EHBP1: variants seen among roughly 807,000 people sequenced by gnomAD.
EHBP1 encodes EH domain binding protein 1.
EHBP1 carries 55 observed loss-of-function variants against 144.0 expected under a neutral mutation model. The observed-to-expected ratio is 0.38, with a 90% CI of 0.31 to 0.48. EHBP1 has a LOEUF of 0.48. Among genes scored for constraint, EHBP1 ranks in the 20% least tolerant of loss-of-function variants. The probability of loss-of-function intolerance (pLI) is 0.98; values close to 1 mark genes in which losing one functional copy is unlikely to be tolerated. For synonymous variants in EHBP1, 469 were observed against 472.7 expected, an observed-to-expected ratio of 0.99 and a Z score of 0.10; for missense variants, 1,200 against 1,364.2, an observed-to-expected ratio of 0.88 and a Z score of 1.90.
chr2:62,688,681 G>A (rs1173540645), intron 1 of EHBP1, among the ~76,000 whole-genome samples: 1 of 151,782 alleles, frequency 6.6e-6, no homozygotes, highest in African/African-American at 2.4e-5. Flanking sequence ...ACTTCTATGA[G>A]ATCAACTTTT....
Position 62,979,339 on chromosome 2 carries a change from A to C in EHBP1, c.2608+4A>C. On this transcript the variant is annotated splice_donor_region_variant and intron_variant, in intron 15 of 22. Transcript: ENST00000431489. ...GAAAGGTCAAAGGCATCTGGAGGTG[A>C]GTTAAAGAATCTTCTATCATTCTAC... is the stretch of plus-strand genomic sequence containing the variant. The C allele has an allele frequency of 6.2e-7, 1 of 1,612,896 alleles. No homozygotes were observed. The highest frequency in any genetic ancestry group is 8.5e-7 in the Non-Finnish European group (1 of 1,179,292).
intron 7 of EHBP1, among the ~76,000 whole-genome samples, chr2:62,842,244 A>T (rs920490430): frequency 6.6e-6 from 1 of 151,924 alleles, no homozygotes; most frequent in Admixed American, 6.6e-5. Context: ...GTGCCACCAC[A>T]CTCAGCTAAT....
chr2:62,908,065 C>T (rs2053937775), intron 10 of EHBP1, among the ~76,000 whole-genome samples: 1 of 152,048 alleles, frequency 6.6e-6, no homozygotes, highest in Non-Finnish European at 1.5e-5. Context: ...AGAATTTAAC[C>T]AATGAAGCCA....
intron 10 of EHBP1, among the ~76,000 whole-genome samples, chr2:62,891,094 C>T (rs1158519025): frequency 2.6e-5 from 4 of 151,314 alleles, no homozygotes; most frequent in Non-Finnish European, 4.4e-5. Flanking sequence ...AGGAGAATCA[C>T]TTGACCCGGG....
At chr2:62,960,866 A>C (rs997342291) in intron 14 of EHBP1, among the ~76,000 whole-genome samples, 6 of 152,212 alleles carry the variant, frequency 3.9e-5, no homozygotes, top group African/African-American at 1.4e-4. Context: ...ACTTAAGCTT[A>C]TATCATTCTT....
chr2:62,874,913 A>G (rs2050761512), intron 10 of EHBP1, among the ~76,000 whole-genome samples: 1 of 152,078 alleles, frequency 6.6e-6, no homozygotes, highest in South Asian at 2.1e-4. Context: ...GCATGTGCAC[A>G]CAGACCTCAC....
chr2:62,914,853 A>G (rs1193127914), intron 10 of EHBP1, among the ~76,000 whole-genome samples: 1 of 152,054 alleles, frequency 6.6e-6, no homozygotes, highest in Non-Finnish European at 1.5e-5. Context: ...AATATCATAA[A>G]ATCTGTTATA....
chr2:62,759,171 G>T (rs927719015), intron 3 of EHBP1, among the ~76,000 whole-genome samples: 69 of 152,182 alleles, frequency 4.5e-4, no homozygotes, highest in African/African-American at 1.4e-3. Flanking sequence ...GACTTGAAAT[G>T]TGAGGAAAAT....
intron 2 of EHBP1, among the ~76,000 whole-genome samples, chr2:62,713,287 C>T (rs552295411): frequency 4.0e-5 from 6 of 149,462 alleles, no homozygotes; most frequent in Non-Finnish European, 8.9e-5. Context: ...GAGTCACACT[C>T]TGTTGCCCAG....
chr2:62,945,837 A>G (rs2057030683), intron 12 of EHBP1, among the ~76,000 whole-genome samples: 1 of 152,326 alleles, frequency 6.6e-6, no homozygotes, highest in East Asian at 1.9e-4. Context: ...GGCAGTCTCT[A>G]TTGAAATATG....
At chr2:62,750,836 G>C (rs547749230) in intron 3 of EHBP1, among the ~76,000 whole-genome samples, 3 of 152,098 alleles carry the variant, frequency 2.0e-5, no homozygotes, top group Non-Finnish European at 4.4e-5. Flanking sequence ...TTGATTTTGT[G>C]TCCTGAGACT....
chr2:62,814,213 T>C (rs1435344400), intron 5 of EHBP1, among the ~76,000 whole-genome samples: 1 of 152,218 alleles, frequency 6.6e-6, no homozygotes, highest in African/African-American at 2.4e-5. Context: ...AATGCATTAA[T>C]TTCATCATCT....
intron 2 of EHBP1, among the ~76,000 whole-genome samples, chr2:62,742,135 A>G (rs2038770215): frequency 6.6e-6 from 1 of 152,162 alleles, no homozygotes; most frequent in Non-Finnish European, 1.5e-5. Context: ...GGTATGTAGT[A>G]GGTTGTACTG....
At chr2:62,729,807 C>T (rs919201909) in intron 2 of EHBP1, among the ~76,000 whole-genome samples, 1 of 151,568 alleles carries the variant, frequency 6.6e-6, no homozygotes, top group African/African-American at 2.4e-5. Context: ...AATTTACCTT[C>T]CCACCAGAAA....
chr2:62,750,519 A>G lies in EHBP1; in HGVS notation c.162+3067A>G, dbSNP rs576202132. Among the ~76,000 whole-genome samples, 68 of 152,320 alleles carry G rather than the reference A, an allele frequency of 4.5e-4. 1 individual carries two copies. Among genetic ancestry groups the G allele is most frequent in the African/African-American group, 1.4e-3 (58 of 41,572 alleles). On this transcript the variant is annotated intron_variant, in intron 3 of 22. Transcript: ENST00000431489. ...AAAGTAGTTTTTTCCAATTCTGTGA[A>G]GAAAGTCATTGGTAGCTTGATGGGA...
chr2:62,698,652 G>T (rs2034181797), intron 1 of EHBP1, among the ~76,000 whole-genome samples: 1 of 152,184 alleles, frequency 6.6e-6, no homozygotes, highest in Admixed American at 6.5e-5. Context: ...ATATCCAGCG[G>T]CTCTCACAAA....
intron 19 of EHBP1, among the ~76,000 whole-genome samples, chr2:63,004,173 A>AT (rs1395642181): frequency 2.0e-5 from 3 of 151,940 alleles, no homozygotes; most frequent in African/African-American, 7.2e-5. Flanking sequence ...TTCTGTACAA[A>AT]TTTAAAGACT....
intron 1 of EHBP1, among the ~76,000 whole-genome samples, chr2:62,696,878 A>G (rs993461657): frequency 1.3e-5 from 2 of 152,116 alleles, no homozygotes; most frequent in Non-Finnish European, 2.9e-5. Flanking sequence ...AACAACCTTT[A>G]ATTATTCTAT....
At position 62,877,617 on chromosome 2, in the gene EHBP1, T is replaced by C. The variant is rs538357490; in HGVS notation, c.1185+3085T>C. ...CAGTCATAACACAATTCTCAAAAAA[T>C]TCAATATAACTGAAATCATACTAAC... On this transcript the variant is annotated intron_variant, in intron 10 of 22. Coordinates refer to ENST00000431489, the MANE Select transcript of EHBP1 (RefSeq NM_001142616.3). Among the ~76,000 whole-genome samples, 4 of 152,250 alleles carry C rather than the reference T, an allele frequency of 2.6e-5. No individual in the cohort carries two copies. The East Asian group carries it at 7.7e-4, about 29-fold the overall frequency.
Sources: gnomAD v4.1 joint callset for allele counts (sites outside exome capture counted in the v4.1 genomes callset) on GRCh38, gnomAD v4.1.1 for gene constraint, MANE v1.5 for transcripts, NCBI Gene and HGNC (gene_info 2026-07-23, HGNC 2026-07-21) for gene names.